FAM169A: variants seen among roughly 807,000 people sequenced by gnomAD.
FAM169A encodes family with sequence similarity 169 member A.
In FAM169A, 24 loss-of-function variants were observed where a neutral mutation model predicts 75.7. That is an observed-to-expected ratio of 0.32 (90% confidence interval 0.23 to 0.45). The LOEUF (loss-of-function observed/expected upper bound fraction) is 0.45, where lower values mean the gene tolerates loss of function less well. Ranked by LOEUF, FAM169A falls within the 20% of genes least tolerant of loss-of-function variation. FAM169A has a pLI of 1.00. For synonymous variants in FAM169A, 271 were observed against 271.0 expected, an observed-to-expected ratio of 1.00 and a Z score of 0.00; for missense variants, 673 against 784.0, an observed-to-expected ratio of 0.86 and a Z score of 1.69.
At chr5:74,811,704 T>C (rs1747202886) in intron 6 of FAM169A, among the ~76,000 whole-genome samples, 1 of 152,230 alleles carries the variant, frequency 6.6e-6, no homozygotes, top group Admixed American at 6.5e-5. Context: ...AGTAGTTGTA[T>C]ACCTTTACAC....
intron 5 of FAM169A, among the ~76,000 whole-genome samples, chr5:74,817,384 T>C (rs1164456430): frequency 6.6e-6 from 1 of 152,090 alleles, no homozygotes; most frequent in Non-Finnish European, 1.5e-5. Flanking sequence ...TAAAAATCAT[T>C]TGTATTTCCA....
At position 74,858,112 on chromosome 5, in the gene FAM169A, G is replaced by T. The variant is rs1182764835; in HGVS notation, c.-4+8053C>A. Reference sequence around the variant, plus strand: ...TCAAAAAAAAAAAGAACAAGGCCAGGCGCGGTGGCTCATGCCTATAATCCC... The same window carrying T: ...TCAAAAAAAAAAAGAACAAGGCCAGTCGCGGTGGCTCATGCCTATAATCCC... On this transcript the variant is annotated intron_variant, in intron 1 of 12. Coordinates refer to ENST00000687041, the MANE Select transcript of FAM169A (RefSeq NM_001376049.1). Among the ~76,000 whole-genome samples, 4 of 152,008 alleles carry T rather than the reference G, an allele frequency of 2.6e-5. No individual in the cohort carries two copies. In the South Asian group the frequency reaches 8.3e-4, roughly 31 times the overall value.
intron 5 of FAM169A, among the ~76,000 whole-genome samples, chr5:74,831,245 G>C (rs1748294041): frequency 6.6e-6 from 1 of 152,106 alleles, no homozygotes; most frequent in Non-Finnish European, 1.5e-5. Flanking sequence ...CAAGTTAATA[G>C]CAATACTATA....
At chr5:74,866,723 T>C (rs972082447), upstream of FAM169A, 2 of 984,558 alleles carry the variant, frequency 2.0e-6, no homozygotes, top group African/African-American at 3.5e-5. Flanking sequence ...GCTGCAACGC[T>C]GATTTTGCGT....
chr5:74,866,852 CAG>C (rs1750374921), upstream of FAM169A: 5 of 985,460 alleles, frequency 5.1e-6, no homozygotes, highest in South Asian at 4.7e-5. Context: ...GGCCTCGGGA[CAG>C]GGGTGCAGAG....
chr5:74,843,760 T>C (rs1561320573), intron 1 of FAM169A, among the ~76,000 whole-genome samples: 1 of 152,252 alleles, frequency 6.6e-6, no homozygotes, highest in Non-Finnish European at 1.5e-5. Flanking sequence ...ATTTACCCAT[T>C]ATACTGCTGA....
chr5:74,835,350 C>A (rs1748516928), intron 4 of FAM169A, among the ~76,000 whole-genome samples: 1 of 151,922 alleles, frequency 6.6e-6, no homozygotes, highest in South Asian at 2.1e-4. Context: ...GCCTGTAATC[C>A]CAGCACTTTG....
rs746899812 is a variant in FAM169A at position 74,781,622 on chromosome 5, T to C, written c.1851A>G (p.Ala617=). 5.0e-6 allele frequency: 8 copies of C among 1,614,218 alleles called. No homozygotes were observed. The South Asian group carries it at 7.7e-5, about 16-fold the overall frequency. Residue 617 remains alanine (A), a synonymous_variant, in exon 13 of 13, where the codon GCA becomes GCG. Transcript: ENST00000687041. ...QKNQSEEQSE[A]SSEQLDQFTQ... ...TAAACTGATCCAGTTGCTCGGAAGA[T>C]GCTTCAGACTGCTCCTCTGACTGAT...
chr5:74,821,056 T>G (rs1455235178), intron 5 of FAM169A, among the ~76,000 whole-genome samples: 1 of 152,208 alleles, frequency 6.6e-6, no homozygotes, highest in African/African-American at 2.4e-5. Context: ...TTTAAAATAG[T>G]ACCTGCTGTC....
intron 10 of FAM169A, chr5:74,799,569 G>A: frequency 6.7e-7 from 1 of 1,500,002 alleles, no homozygotes; most frequent in Non-Finnish European, 9.3e-7. Flanking sequence ...TGCTTTTTGG[G>A]CAGCTGATGT....
chr5:74,787,209 T>TA (rs1358800723), intron 11 of FAM169A, among the ~76,000 whole-genome samples: 2 of 152,124 alleles, frequency 1.3e-5, no homozygotes, highest in Admixed American at 6.5e-5. Context: ...GGAAGGAACA[T>TA]AGAGTTCGAT....
At chr5:74,826,282 C>T (rs1370552121) in intron 5 of FAM169A, among the ~76,000 whole-genome samples, 1 of 152,112 alleles carries the variant, frequency 6.6e-6, no homozygotes, top group Non-Finnish European at 1.5e-5. Flanking sequence ...CTTTAATCAC[C>T]ATTTTTCACA....
In FAM169A at chr5:74,805,387, T is replaced by C. The variant is rs995778611; in HGVS notation, c.671-103A>G. Reference sequence around the variant, plus strand: ...CCCAACTCACTTAACGGGGCTAGCATAACCTTGATACCAAAACACCAGCAA... The same window carrying C: ...CCCAACTCACTTAACGGGGCTAGCACAACCTTGATACCAAAACACCAGCAA... On this transcript the variant is annotated intron_variant, in intron 6 of 12. Transcript: ENST00000687041. The C allele has an allele frequency of 3.2e-6, 3 of 938,994 alleles. No homozygotes were observed. In the African/African-American group the frequency reaches 5.0e-5, roughly 16 times the overall value. The allele number at this position is 938,994 out of a possible 1,614,324, so 58.2% of individuals were successfully genotyped here. A position where few individuals can be genotyped will look rare whatever the true frequency, so the allele number is the denominator to read the frequency against.
chr5:74,795,649 C>A (rs62366417), intron 11 of FAM169A, among the ~76,000 whole-genome samples: 54,133 of 151,964 alleles, frequency 0.36, 12,821 homozygotes, highest in African/African-American at 0.68. Flanking sequence ...TGGGGGTGCC[C>A]CTGAAGGTTT....
At chr5:74,824,492 G>C (rs1028260568) in intron 5 of FAM169A, among the ~76,000 whole-genome samples, 5 of 152,058 alleles carry the variant, frequency 3.3e-5, no homozygotes. Context: ...CCCTTTAACA[G>C]ATAGTCCTTA....
Position 74,801,534 on chromosome 5 carries a change from C to G in FAM169A, c.952+56G>C, listed in dbSNP as rs369186661. 3.2e-4 allele frequency: 418 copies of G among 1,313,696 alleles called. No homozygotes were observed. The African/African-American group carries it at 5.6e-3, about 18-fold the overall frequency. The allele number at this position is 1,313,696 out of a possible 1,614,324, so 81.4% of individuals were successfully genotyped here. ...ACACATGCATGCACACACACACACA[C>G]AGCCCTAATTTGAAGTGTCTCAAAT... On this transcript the variant is annotated intron_variant, in intron 9 of 12. Coordinates refer to ENST00000687041, the MANE Select transcript of FAM169A (RefSeq NM_001376049.1).
Position 74,783,054 on chromosome 5 carries a change from G to T in FAM169A, c.1341C>A (p.Ser447=). 6.2e-7 allele frequency: 1 copy of T among 1,613,464 alleles called. No homozygotes were observed. The highest frequency in any genetic ancestry group is 1.3e-5 in the African/African-American group (1 of 75,038). The change falls in exon 12 of 13, where the codon TCC becomes TCA. Residue 447 remains serine (S), a synonymous_variant. Transcript: ENST00000687041. ...KTSLITEEED[S]TSEVLDEELK... is the part of the protein sequence containing the mutation. ...ATTCTTCATCTAAAACTTCACTAGT[G>T]GAGTCTTCCTCTTCTGTTATAAGTG...
chr5:74,781,442 A>G lies in FAM169A; in HGVS notation c.*18T>C, dbSNP rs774270869. The G allele has an allele frequency of 1.3e-6, 2 of 1,599,888 alleles. No individual in the cohort carries two copies. Among genetic ancestry groups the G allele is most frequent in the South Asian group, 2.2e-5 (2 of 90,076 alleles). On this transcript the variant is annotated 3_prime_UTR_variant, in exon 13 of 13. Coordinates refer to ENST00000687041, the MANE Select transcript of FAM169A (RefSeq NM_001376049.1). Reference sequence around the variant, plus strand: ...TATGTTACAAAGAAGAGGATTTATCATCCACTTTCTTCTTCCTTCAGGTCA... The same window carrying G: ...TATGTTACAAAGAAGAGGATTTATCGTCCACTTTCTTCTTCCTTCAGGTCA...
In FAM169A at chr5:74,780,320, TGCCATATA is replaced by T. The variant is rs1745349400; in HGVS notation, c.*1132_*1139del. 4 of 152,344 alleles carry T rather than the reference TGCCATATA, an allele frequency of 2.6e-5. No individual in the cohort carries two copies. The highest frequency in any genetic ancestry group is 1.3e-4 in the Admixed American group (2 of 15,302). The allele number at this position is 152,344 out of a possible 1,614,324, so 9.4% of individuals were successfully genotyped here. A position where few individuals can be genotyped will look rare whatever the true frequency, so the allele number is the denominator to read the frequency against. ...CTAACACTGGGGGCAGTTTTACTCC[TGCCATATA>T]GGTCTAACATTGTGGGGTGCACCTC... On this transcript the variant is annotated 3_prime_UTR_variant, in exon 13 of 13. Transcript: ENST00000687041.
Sources: allele counts gnomAD v4.1 joint callset (sites outside exome capture counted in the v4.1 genomes callset), GRCh38; gene constraint gnomAD v4.1.1; transcripts MANE v1.5; gene names NCBI Gene and HGNC (gene_info 2026-07-23, HGNC 2026-07-21).